TRPM7: variants seen among roughly 807,000 people sequenced by gnomAD.
TRPM7 encodes transient receptor potential cation channel subfamily M member 7.
Under a neutral mutation model 229.7 loss-of-function variants are expected in TRPM7, and 134 were observed. The ratio of observed to expected loss-of-function variants is 0.58; its 90% CI spans 0.51 to 0.67. The LOEUF (loss-of-function observed/expected upper bound fraction) is 0.67, where lower values mean the gene tolerates loss of function less well. TRPM7 is among the 30% of genes least tolerant of loss of function. The pLI is 0.00. For synonymous variants in TRPM7, 699 were observed against 715.2 expected (o/e 0.98, Z 0.36); for missense variants, 1,901 against 2,210.0 (o/e 0.86, Z 2.80).
At chr15:50,572,504 G>C (rs1247032381) in intron 36 of TRPM7, among the ~76,000 whole-genome samples, 1 of 152,174 alleles carries the variant, frequency 6.6e-6, no homozygotes, top group East Asian at 1.9e-4. Flanking sequence ...ACACACTTTA[G>C]ACTACAGTAT....
chr15:50,621,306 T>G (rs764236894), intron 12 of TRPM7, among the ~76,000 whole-genome samples: 2 of 152,140 alleles, frequency 1.3e-5, no homozygotes, highest in Non-Finnish European at 2.9e-5. Flanking sequence ...TTTGGGGGTA[T>G]TGGGGAATTT....
intron 4 of TRPM7, among the ~76,000 whole-genome samples, chr15:50,646,263 G>A (rs2061262156): frequency 6.6e-6 from 1 of 152,074 alleles, no homozygotes; most frequent in African/African-American, 2.4e-5. Context: ...GAACAATGTA[G>A]AGGTTAAAAT....
intron 4 of TRPM7, among the ~76,000 whole-genome samples, chr15:50,647,890 T>C (rs932045220): frequency 2.6e-5 from 4 of 152,208 alleles, no homozygotes; most frequent in Admixed American, 2.6e-4. Context: ...TTACCTGTCA[T>C]TATTCCTTAA....
At chr15:50,621,773 G>A (rs2060414295) in intron 12 of TRPM7, among the ~76,000 whole-genome samples, 1 of 152,154 alleles carries the variant, frequency 6.6e-6, no homozygotes. Flanking sequence ...GCTCATGCTT[G>A]TAATCCCAGC....
At chr15:50,632,269 A>G (rs191130631) in intron 9 of TRPM7, among the ~76,000 whole-genome samples, 1 of 151,484 alleles carries the variant, frequency 6.6e-6, no homozygotes, top group African/African-American at 2.4e-5. Context: ...CTCCAGCTTG[A>G]GCAATGGAGC....
intron 38 of TRPM7, among the ~76,000 whole-genome samples, chr15:50,569,015 C>T (rs1028398007): frequency 3.3e-5 from 5 of 151,796 alleles, no homozygotes; most frequent in Non-Finnish European, 5.9e-5. Context: ...AAACAAACAG[C>T]TCAAGGGTGG....
At chr15:50,580,983 CT>C (rs1000873724) in intron 29 of TRPM7, 75 bp from the exon 30 acceptor site, 45 of 1,451,012 alleles carry the variant, frequency 3.1e-5, no homozygotes, top group East Asian at 1.9e-4. Flanking sequence ...AACGGTTTAA[CT>C]TTTTTTCTTA....
At chr15:50,680,422 T>C (rs894813832) in intron 1 of TRPM7, among the ~76,000 whole-genome samples, 2 of 150,598 alleles carry the variant, frequency 1.3e-5, no homozygotes, top group Admixed American at 1.3e-4. Context: ...ACACAAAAAG[T>C]AGCCCAATGT....
At chr15:50,611,514 C>T (rs759314221) in intron 16 of TRPM7, among the ~76,000 whole-genome samples, 193 bp from the exon 17 acceptor site, 2 of 152,128 alleles carry the variant, frequency 1.3e-5, no homozygotes, top group East Asian at 1.9e-4. Context: ...TAAAATATGT[C>T]GCATTATGTA....
At chr15:50,604,627 C>T (rs770728313) in intron 21 of TRPM7, 22 of 290,328 alleles carry the variant, frequency 7.6e-5, no homozygotes, top group Non-Finnish European at 1.1e-4. Context: ...AAAGGAGTTA[C>T]CTACAGACAT....
At chr15:50,678,523 T>A (rs1043351033) in intron 1 of TRPM7, among the ~76,000 whole-genome samples, 7,796 of 128,756 alleles carry the variant, frequency 0.061, 416 homozygotes, top group African/African-American at 0.17. Context: ...AAAAAATATA[T>A]ATATATATAT....
intron 3 of TRPM7, among the ~76,000 whole-genome samples, chr15:50,656,158 A>G (rs568641781): frequency 6.6e-6 from 1 of 151,826 alleles, no homozygotes; most frequent in South Asian, 2.1e-4. Context: ...TAGCTGCACT[A>G]TATGAAATGC....
intron 10 of TRPM7, among the ~76,000 whole-genome samples, 179 bp from the exon 11 acceptor site, chr15:50,628,428 C>G (rs2060631214): frequency 6.6e-6 from 1 of 151,998 alleles, no homozygotes; most frequent in African/African-American, 2.4e-5. Context: ...CCGCCTTAGC[C>G]TCCAAGTAGC....
intron 22 of TRPM7, among the ~76,000 whole-genome samples, chr15:50,596,785 C>T (rs2059643574): frequency 6.6e-6 from 1 of 152,160 alleles, no homozygotes; most frequent in Non-Finnish European, 1.5e-5. Flanking sequence ...GAGTCTTGCT[C>T]TGTCACCCAG....
At position 50,561,764 on chromosome 15, in the gene TRPM7, G is replaced by A. The variant is rs2141416133; in HGVS notation, c.5512C>T (p.Gln1838Ter). Residue 1838 changes from glutamine (Q) to a stop codon, truncating the protein, a stop_gained, in exon 39 of 39, where the codon CAG (glutamine) becomes TAG (stop). Coordinates refer to ENST00000646667, the MANE Select transcript of TRPM7 (RefSeq NM_017672.6). LOFTEE classifies it high-confidence loss of function. ...DYTPDKIIFPQDEPSDLNLQP... is the reference protein window; with the variant it reads ...DYTPDKIIFP ...AGATTCAAATCTGAAGGCTCATCCTGAGGAAATATAATTTTATCAGGCGTA... is the reference window on the plus strand; with the variant it reads ...AGATTCAAATCTGAAGGCTCATCCTAAGGAAATATAATTTTATCAGGCGTA... 3.7e-6 allele frequency: 6 copies of A among 1,612,192 alleles called. No homozygotes were observed. The East Asian group carries it at 8.9e-5, about 24-fold the overall frequency.
chr15:50,685,960 T>C (rs985681014), intron 1 of TRPM7, among the ~76,000 whole-genome samples: 3 of 152,174 alleles, frequency 2.0e-5, no homozygotes, highest in Non-Finnish European at 4.4e-5. Flanking sequence ...ACCATCAATA[T>C]TGTCAAATCC....
intron 33 of TRPM7, 62 bp downstream of exon 33, chr15:50,575,662 A>G (rs2141510963): frequency 7.2e-7 from 1 of 1,395,824 alleles, no homozygotes; most frequent in Non-Finnish European, 9.9e-7. Flanking sequence ...ATTCTATATT[A>G]TAGCTAAAAA....
intron 20 of TRPM7, among the ~76,000 whole-genome samples, chr15:50,606,387 C>T (rs923627442): frequency 3.3e-5 from 5 of 152,034 alleles, no homozygotes; most frequent in Non-Finnish European, 5.9e-5. Flanking sequence ...TCAAAACAAA[C>T]AAACAAACAA....
chr15:50,622,661 G>A (rs1204308278), intron 12 of TRPM7, among the ~76,000 whole-genome samples: 3 of 151,728 alleles, frequency 2.0e-5, no homozygotes, highest in African/African-American at 4.8e-5. Context: ...TGAGGCAGGC[G>A]GATCATCTGA....
Sources: allele counts gnomAD v4.1 joint callset (sites outside exome capture counted in the v4.1 genomes callset), GRCh38; gene constraint gnomAD v4.1.1; transcripts MANE v1.5; gene names NCBI Gene and HGNC (gene_info 2026-07-23, HGNC 2026-07-21).